Variants in ELK3 observed in about 807,000 individuals in gnomAD.
The protein encoded by ELK3 is ETS transcription factor ELK3, also known as ETS domain-containing protein Elk-3.
Under a neutral mutation model 28.9 loss-of-function variants are expected in ELK3, and 10 were observed. The ratio of observed to expected loss-of-function variants is 0.35; its 90% confidence interval spans 0.21 to 0.59. The LOEUF (loss-of-function observed/expected upper bound fraction) is 0.59, where lower values mean the gene tolerates loss of function less well. Among genes scored for constraint, ELK3 ranks in the 20% least tolerant of loss-of-function variants. The pLI is 0.82. For synonymous variants in ELK3, 272 were observed against 243.5 expected (o/e 1.12, Z -1.09); for missense variants, 463 against 517.3 (o/e 0.90, Z 1.02).
At position 96,257,968 on chromosome 12, in the gene ELK3, C is replaced by G. The variant is rs184091050; in HGVS notation, c.1003-1763C>G. The stretch of plus-strand genomic sequence containing the variant: ...TACCTAGCCAGATAACTGCCTCTGG[C>G]ACTTGTTGAGCATTTCTATATGCCA... On this transcript the variant is annotated intron_variant, in intron 3 of 4. Coordinates refer to ENST00000228741, the MANE Select transcript of ELK3 (RefSeq NM_005230.4). Among the ~76,000 whole-genome samples, 416 of 152,346 alleles carry G rather than the reference C, an allele frequency of 2.7e-3. 3 individuals carry two copies. Among genetic ancestry groups the G allele is most frequent in the Middle Eastern group, 3.4e-3 (1 of 294 alleles).
At chr12:96,204,752 T>G in intron 1 of ELK3, among the ~76,000 whole-genome samples, 1 of 152,346 alleles carries the variant, frequency 6.6e-6, no homozygotes, top group East Asian at 1.9e-4. Context: ...AAGATCATAC[T>G]ATTCTATTAA....
intron 1 of ELK3, chr12:96,213,771 G>C (rs1243565072): frequency 6.6e-6 from 1 of 152,058 alleles, no homozygotes; most frequent in Non-Finnish European, 1.5e-5. Context: ...TGTTGCCCAG[G>C]CTGGGGTGCA....
At chr12:96,259,698 TA>T in intron 3 of ELK3, 32 bp from the exon 4 acceptor site, 1 of 1,592,616 alleles carries the variant, frequency 6.3e-7, no homozygotes. Flanking sequence ...CAGGTGAACC[TA>T]TATGAAGAAG....
chr12:96,253,460 C>T (rs1185248105), intron 3 of ELK3, among the ~76,000 whole-genome samples: 2 of 152,166 alleles, frequency 1.3e-5, no homozygotes. Flanking sequence ...TCTCCTTTTC[C>T]GTAGGATCAG....
chr12:96,211,487 TTG>T (rs201554119), intron 1 of ELK3, among the ~76,000 whole-genome samples: 3,085 of 54,354 alleles, frequency 0.057, 40 homozygotes, highest in Middle Eastern at 0.1. Context: ...CATTGTGTGT[TTG>T]TGTGTGTGTG....
intron 2 of ELK3, among the ~76,000 whole-genome samples, chr12:96,239,781 C>T (rs1357630784): frequency 6.6e-6 from 1 of 152,240 alleles, no homozygotes; most frequent in East Asian, 1.9e-4. Flanking sequence ...CCCAAGCAGA[C>T]GCTGCAAGGC....
At chr12:96,231,194 T>C (rs1951739345) in intron 2 of ELK3, among the ~76,000 whole-genome samples, 2 of 152,070 alleles carry the variant, frequency 1.3e-5, no homozygotes, top group African/African-American at 4.8e-5. Context: ...GTAGTTCTGA[T>C]GGTGTGAATT....
At chr12:96,211,105 G>A (rs1407091544) in intron 1 of ELK3, among the ~76,000 whole-genome samples, 1 of 152,184 alleles carries the variant, frequency 6.6e-6, no homozygotes, top group Admixed American at 6.5e-5. Flanking sequence ...AGCCAACTGA[G>A]AGTATTAAAT....
intron 1 of ELK3, among the ~76,000 whole-genome samples, chr12:96,205,172 C>T (rs1592669054): frequency 6.6e-6 from 1 of 152,312 alleles, no homozygotes; most frequent in East Asian, 1.9e-4. Context: ...CATTGTTTCA[C>T]AACGAGAAGT....
intron 2 of ELK3, among the ~76,000 whole-genome samples, chr12:96,244,182 C>T (rs1447815155): frequency 1.3e-5 from 2 of 152,092 alleles, no homozygotes; most frequent in African/African-American, 4.8e-5. Context: ...TTCTTTACTA[C>T]AGCTGGATAA....
chr12:96,217,937 CAAAA>C (rs34565681), intron 1 of ELK3, among the ~76,000 whole-genome samples: 4 of 85,740 alleles, frequency 4.7e-5, no homozygotes, highest in African/African-American at 4.2e-5. Context: ...GACGCCGTCT[CAAAA>C]AAAAAAAAAA....
chr12:96,237,163 C>T (rs1187079119), intron 2 of ELK3, among the ~76,000 whole-genome samples: 1 of 152,208 alleles, frequency 6.6e-6, no homozygotes, highest in African/African-American at 2.4e-5. Context: ...TTCTAAGGTC[C>T]TTGGTGGACA....
intron 3 of ELK3, among the ~76,000 whole-genome samples, chr12:96,257,520 G>A (rs1460473852): frequency 1.3e-5 from 2 of 152,220 alleles, no homozygotes; most frequent in African/African-American, 4.8e-5. Flanking sequence ...ATTGCTTAGA[G>A]GATTAAAAAG....
intron 1 of ELK3, among the ~76,000 whole-genome samples, chr12:96,208,688 T>C (rs1047063531): frequency 3.9e-5 from 6 of 152,186 alleles, no homozygotes; most frequent in African/African-American, 1.4e-4. Context: ...GCCTATGAGA[T>C]GCACTGTGGC....
chr12:96,246,793 T>TTCA, intron 2 of ELK3, 147 bp from the exon 3 acceptor site: 2 of 810,266 alleles, frequency 2.5e-6, no homozygotes, highest in Non-Finnish European at 3.8e-6. Context: ...TACTTCCAAC[T>TTCA]TCATTCCTCC....
intron 3 of ELK3, among the ~76,000 whole-genome samples, chr12:96,259,173 G>C (rs138256467): frequency 3.0e-4 from 45 of 152,314 alleles, no homozygotes; most frequent in African/African-American, 9.6e-4. Context: ...ATACAAACTT[G>C]AATTTTCCAC....
At chr12:96,241,491 C>G (rs1034284979) in intron 2 of ELK3, among the ~76,000 whole-genome samples, 1 of 150,790 alleles carries the variant, frequency 6.6e-6, no homozygotes, top group African/African-American at 2.4e-5. Context: ...ACAGCCATAC[C>G]TTTTCTTATA....
At chr12:96,226,866 G>GA (rs774768666) in intron 2 of ELK3, among the ~76,000 whole-genome samples, 1 of 151,732 alleles carries the variant, frequency 6.6e-6, no homozygotes, top group African/African-American at 2.4e-5. Flanking sequence ...GAGGGGAGAG[G>GA]AAAAAAAGAG....
At chr12:96,249,879 G>A (rs1325002609) in intron 3 of ELK3, among the ~76,000 whole-genome samples, 1 of 152,190 alleles carries the variant, frequency 6.6e-6, no homozygotes, top group Admixed American at 6.5e-5. Context: ...CCACCAGCAT[G>A]GCCTGAAACT....
Sources: gnomAD v4.1 joint callset for allele counts (sites outside exome capture counted in the v4.1 genomes callset) on GRCh38, gnomAD v4.1.1 for gene constraint, MANE v1.5 for transcripts, NCBI Gene and HGNC (gene_info 2026-07-23, HGNC 2026-07-21) for gene names.